Variants in TMEM52B observed in about 807,000 individuals in gnomAD.
The protein encoded by TMEM52B is transmembrane protein 52B, also known as chromosome 12 open reading frame 59.
TMEM52B carries 11 observed loss-of-function variants against 16.1 expected under a neutral mutation model. The ratio of observed to expected loss-of-function variants is 0.68; its 90% confidence interval spans 0.43 to 1.13. TMEM52B has a LOEUF of 1.13. Among genes scored for constraint, TMEM52B ranks in the 50% most tolerant of loss-of-function variants. TMEM52B has a pLI of 0.00. For synonymous variants in TMEM52B, 101 were observed against 93.8 expected, an observed-to-expected ratio of 1.08 and a Z score of -0.45; for missense variants, 243 against 230.4, an observed-to-expected ratio of 1.05 and a Z score of -0.35.
chr12:10,189,451 C>T (rs1414947773), intron 4 of TMEM52B, among the ~76,000 whole-genome samples: 2 of 151,000 alleles, frequency 1.3e-5, no homozygotes, highest in East Asian at 2.0e-4. Context: ...TAGTGAAACC[C>T]TGTCTCTACT....
In TMEM52B at chr12:10,190,159, A is replaced by T; in HGVS notation, c.*19A>T. 6.2e-7 allele frequency: 1 copy of T among 1,613,994 alleles called. No homozygotes were observed. The highest frequency in any genetic ancestry group is 8.5e-7 in the Non-Finnish European group (1 of 1,179,946). ...GAACTGATGAGAGCTGTCATTTTAT[A>T]AATAGGAGTGGAGTGATGTCCAGAG... On this transcript the variant is annotated 3_prime_UTR_variant, in exon 5 of 5. Transcript: ENST00000543484.
intron 4 of TMEM52B, among the ~76,000 whole-genome samples, chr12:10,189,270 G>T (rs777022572): frequency 1.1e-4 from 17 of 151,778 alleles, no homozygotes; most frequent in Non-Finnish European, 1.9e-4. Flanking sequence ...TAGTATCGGG[G>T]GCTGGGGGAA....
upstream of TMEM52B, among the ~76,000 whole-genome samples, chr12:10,177,985 T>G (rs1203541035): frequency 6.7e-6 from 1 of 148,652 alleles, no homozygotes; most frequent in Admixed American, 6.7e-5. Flanking sequence ...AACTTCTGCC[T>G]TCCGGGTTCA....
intron 4 of TMEM52B, among the ~76,000 whole-genome samples, chr12:10,188,253 A>G (rs960204869): frequency 6.6e-6 from 1 of 152,064 alleles, no homozygotes; most frequent in African/African-American, 2.4e-5. Flanking sequence ...TGAGCTCAGG[A>G]GTTTGAGACC....
chr12:10,186,712 C>A (rs2137556945), intron 4 of TMEM52B, 123 bp downstream of exon 4: 1 of 1,059,792 alleles, frequency 9.4e-7, no homozygotes, highest in Non-Finnish European at 1.3e-6. Context: ...CAATAATTTC[C>A]ATTCCCAGAA....
In TMEM52B at chr12:10,182,603, G is replaced by A. The variant is rs1465127223; in HGVS notation, c.98+10G>A. The A allele has an allele frequency of 7.2e-6, 11 of 1,534,174 alleles. No individual in the cohort carries two copies. The highest frequency in any genetic ancestry group is 9.6e-6 in the Non-Finnish European group (11 of 1,145,758). On this transcript the variant is annotated intron_variant, in intron 2 of 4. Coordinates refer to ENST00000543484, the MANE Select transcript of TMEM52B (RefSeq NM_001384896.1). ...GTGGTAATCCTGAACAGTAAGTATA[G>A]AGTTCAAGCTGGGAGGAAGGAGCAA...
At position 10,189,225 on chromosome 12, in the gene TMEM52B, A is replaced by G. The variant is rs761141723; in HGVS notation, c.308-671A>G. Among the ~76,000 whole-genome samples, 103 of 149,004 alleles carry G rather than the reference A, an allele frequency of 6.9e-4. 1 individual carries two copies. The highest frequency in any genetic ancestry group is 9.8e-4 in the Non-Finnish European group (66 of 67,388). Reference sequence around the variant, plus strand: ...CTAAAAAAAAAAAAAAAAAGAAAAGAGATGAGGTAAAAATAAATAATCCTA... The same window carrying G: ...CTAAAAAAAAAAAAAAAAAGAAAAGGGATGAGGTAAAAATAAATAATCCTA... On this transcript the variant is annotated intron_variant, in intron 4 of 4. Transcript: ENST00000543484.
At chr12:10,178,865 TC>T (rs1175789792), upstream of TMEM52B, 6 of 152,162 alleles carry the variant, frequency 3.9e-5, no homozygotes, top group Non-Finnish European at 8.8e-5. Context: ...GTCTGTTTTC[TC>T]CAAAGATGAG....
At position 10,190,216 on chromosome 12, in the gene TMEM52B, A is replaced by C; in HGVS notation, c.*76A>C. 8 of 1,585,034 alleles carry C rather than the reference A, an allele frequency of 5.0e-6. No individual in the cohort carries two copies. The highest frequency in any genetic ancestry group is 6.9e-6 in the Non-Finnish European group (8 of 1,161,310). ...GGAAAATGGAACACATACTTTTCTA[A>C]CCCTCAGAAGTTTTAAGATGGCATC... On this transcript the variant is annotated 3_prime_UTR_variant, in exon 5 of 5. Transcript: ENST00000543484.
Position 10,185,478 on chromosome 12 carries a change from T to A in TMEM52B, c.137+110T>A, listed in dbSNP as rs1429395198. 9 of 809,232 alleles carry A rather than the reference T, an allele frequency of 1.1e-5. No homozygotes were observed. The Admixed American group carries it at 1.7e-4, about 16-fold the overall frequency. 50.1% of individuals were successfully genotyped at this position (809,232 alleles called of 1,614,324 possible). On this transcript the variant is annotated intron_variant, in intron 3 of 4. Transcript: ENST00000543484. ...CATGGAGTAAGATTTCATTACTTCA[T>A]CACTACCTATGTGACAATATGTCAG...
intron 4 of TMEM52B, among the ~76,000 whole-genome samples, chr12:10,187,910 T>A (rs934894757): frequency 1.3e-5 from 2 of 151,646 alleles, no homozygotes; most frequent in African/African-American, 4.8e-5. Flanking sequence ...ACCAAGCTGG[T>A]CAACATGGTG....
intron 1 of TMEM52B, among the ~76,000 whole-genome samples, chr12:10,171,638 A>G (rs1470177204): frequency 6.6e-6 from 1 of 152,152 alleles, no homozygotes; most frequent in Admixed American, 6.5e-5. Flanking sequence ...TAGCTCTACC[A>G]CTTATTAGCT....
chr12:10,174,616 A>T (rs754895902), upstream of TMEM52B, among the ~76,000 whole-genome samples: 4 of 152,000 alleles, frequency 2.6e-5, no homozygotes, highest in Non-Finnish European at 4.4e-5. Context: ...GGCAGCCCAC[A>T]CTCCAGATTT....
chr12:10,172,319 C>T (rs1397863668), intron 1 of TMEM52B: 12 of 397,768 alleles, frequency 3.0e-5, no homozygotes, highest in Admixed American at 1.2e-4. Flanking sequence ...CAGGATATTT[C>T]GCTAAGTAAT....
chr12:10,182,678 T>G, intron 2 of TMEM52B, 85 bp downstream of exon 2: 4 of 1,296,650 alleles, frequency 3.1e-6, no homozygotes, highest in Non-Finnish European at 4.1e-6. Flanking sequence ...TCATTAGACA[T>G]CTATGACTTC....
intron 2 of TMEM52B, 23 bp downstream of exon 2, chr12:10,182,616 G>C: frequency 6.5e-7 from 1 of 1,531,148 alleles, no homozygotes; most frequent in African/African-American, 1.4e-5. Flanking sequence ...TTCAAGCTGG[G>C]AGGAAGGAGC....
At chr12:10,179,786 C>T (rs776396009) in intron 1 of TMEM52B, among the ~76,000 whole-genome samples, 158 bp downstream of exon 1, 1 of 152,058 alleles carries the variant, frequency 6.6e-6, no homozygotes, top group East Asian at 1.9e-4. Context: ...CTTAGTATTA[C>T]GAGATTGCAT....
rs537039235 is a variant in TMEM52B, at chr12:10,190,347, T to G, written c.*207T>G. 3.2e-6 allele frequency: 2 copies of G among 617,618 alleles called. No homozygotes were observed. Among genetic ancestry groups the G allele is most frequent in the Non-Finnish European group, 5.4e-6 (2 of 370,728 alleles). The allele number at this position is 617,618 out of a possible 1,614,324, so 38.3% of individuals were successfully genotyped here. A position where few individuals can be genotyped will look rare whatever the true frequency, so the allele number is the denominator to read the frequency against. ...TTGGGAACTCTAATTTTGTATCCAA[T>G]GGCCAAAATCTGCAAGTAATCTCTA... On this transcript the variant is annotated 3_prime_UTR_variant, in exon 5 of 5. Transcript: ENST00000543484.
At chr12:10,178,573 T>C (rs1263908014), upstream of TMEM52B, among the ~76,000 whole-genome samples, 2 of 151,930 alleles carry the variant, frequency 1.3e-5, no homozygotes, top group Non-Finnish European at 2.9e-5. Flanking sequence ...GTGCTTGTTT[T>C]TACTCTAACC....
Sources: gnomAD v4.1 joint callset for allele counts (sites outside exome capture counted in the v4.1 genomes callset) on GRCh38, gnomAD v4.1.1 for gene constraint, MANE v1.5 for transcripts, NCBI Gene and HGNC (gene_info 2026-07-23, HGNC 2026-07-21) for gene names.